Variants in KSR1 observed in about 807,000 individuals in gnomAD.
KSR1 encodes kinase suppressor of ras 1, also known as kinase suppressor of ras.
In KSR1, 35 loss-of-function variants were observed where a neutral mutation model predicts 92.9. The ratio of observed to expected loss-of-function variants is 0.38; its 90% CI spans 0.29 to 0.50. The LOEUF (loss-of-function observed/expected upper bound fraction) is 0.50. Ranked by LOEUF, KSR1 falls within the 20% of genes least tolerant of loss-of-function variation. KSR1 has a pLI of 0.94. For missense variants in KSR1, 972 were observed against 1,158.5 expected (o/e 0.84, Z 2.34); for synonymous variants, 467 against 472.6 (o/e 0.99, Z 0.15).
At chr17:27,622,364 G>A (rs1377308604) in intron 20 of KSR1, 2 of 179,236 alleles carry the variant, frequency 1.1e-5, no homozygotes, top group Non-Finnish European at 2.3e-5. Context: ...AGTGCGGGGC[G>A]GGCGGAGGTT....
intron 1 of KSR1, among the ~76,000 whole-genome samples, chr17:27,466,581 C>G (rs1367221364): frequency 6.6e-6 from 1 of 152,208 alleles, no homozygotes; most frequent in Non-Finnish European, 1.5e-5. Flanking sequence ...GGGCAGAAAA[C>G]AATCCAAGAG....
chr17:27,573,822 C>G (rs1335204587), intron 2 of KSR1, among the ~76,000 whole-genome samples: 1 of 152,104 alleles, frequency 6.6e-6, no homozygotes, highest in African/African-American at 2.4e-5. Flanking sequence ...CATCTACTTG[C>G]GGAGTTGATT....
chr17:27,621,952 T>G (rs970618322), intron 20 of KSR1: 3 of 1,612,900 alleles, frequency 1.9e-6, no homozygotes, highest in Non-Finnish European at 2.5e-6. Context: ...CTGCCTTGCA[T>G]GCACCAGGGG....
At chr17:27,613,579 G>A (rs1166068505) in intron 18 of KSR1, among the ~76,000 whole-genome samples, 1 of 152,204 alleles carries the variant, frequency 6.6e-6, no homozygotes, top group Admixed American at 6.5e-5. Context: ...TCCATTGTGG[G>A]TGTACCCAGG....
At chr17:27,595,872 G>A (rs1235309393) in intron 9 of KSR1, among the ~76,000 whole-genome samples, 2 of 152,070 alleles carry the variant, frequency 1.3e-5, no homozygotes, top group South Asian at 4.1e-4. Flanking sequence ...TCCTGAAGCC[G>A]GGATCATGCC....
At chr17:27,471,660 C>T (rs2020012878) in intron 1 of KSR1, among the ~76,000 whole-genome samples, 1 of 152,172 alleles carries the variant, frequency 6.6e-6, no homozygotes, top group African/African-American at 2.4e-5. Flanking sequence ...ATTAATGCAC[C>T]AACTCAGCAA....
rs557884293 is a variant in KSR1 at position 27,553,013 on chromosome 17, G to A, written c.372+2305G>A. On this transcript the variant is annotated intron_variant, in intron 2 of 20. Coordinates refer to ENST00000644974, the MANE Select transcript of KSR1 (RefSeq NM_001394583.1). The stretch of plus-strand genomic sequence containing the variant: ...ACCAGGGTCCTAGAGCCACAGAGGA[G>A]TAGAGCCGGGTGCCCCTCCACACCT... Among the ~76,000 whole-genome samples the A allele has an allele frequency of 2.6e-5, 4 of 152,334 alleles. No individual in the cohort carries two copies. The South Asian group carries it at 8.3e-4, about 32-fold the overall frequency.
intron 4 of KSR1, among the ~76,000 whole-genome samples, chr17:27,584,355 A>G (rs2072889180): frequency 1.3e-5 from 2 of 152,076 alleles, no homozygotes; most frequent in South Asian, 4.1e-4. Context: ...TATGGGATGG[A>G]GCCTGGACAG....
At chr17:27,509,711 A>T (rs551670287) in intron 1 of KSR1, among the ~76,000 whole-genome samples, 3 of 152,298 alleles carry the variant, frequency 2.0e-5, no homozygotes, top group African/African-American at 7.2e-5. Flanking sequence ...GTGGTTGTGC[A>T]TGCTTATAGT....
chr17:27,588,377 C>T (rs2073047360), intron 5 of KSR1, 98 bp from the exon 6 acceptor site: 2 of 1,020,564 alleles, frequency 2.0e-6, no homozygotes. Context: ...AACCATTGCG[C>T]CCCCCTCTAG....
At chr17:27,518,203 G>A (rs191201223) in intron 1 of KSR1, among the ~76,000 whole-genome samples, 7 of 152,202 alleles carry the variant, frequency 4.6e-5, no homozygotes, top group Admixed American at 4.6e-4. Flanking sequence ...GGCTTTGTAG[G>A]GAGCAGGGCA....
chr17:27,466,404 A>C (rs1396603294), intron 1 of KSR1, among the ~76,000 whole-genome samples: 1 of 152,230 alleles, frequency 6.6e-6, no homozygotes, highest in Non-Finnish European at 1.5e-5. Flanking sequence ...TGTATCACTG[A>C]ATCCTTCTAA....
intron 13 of KSR1, among the ~76,000 whole-genome samples, chr17:27,605,022 G>A (rs2073702507): frequency 6.6e-6 from 1 of 152,234 alleles, no homozygotes; most frequent in Non-Finnish European, 1.5e-5. Flanking sequence ...ATTGCATTAT[G>A]GCTTGGAGAA....
At chr17:27,621,744 G>C (rs2074229433) in intron 20 of KSR1, among the ~76,000 whole-genome samples, 2 of 152,130 alleles carry the variant, frequency 1.3e-5, no homozygotes, top group African/African-American at 4.8e-5. Context: ...TTGTGCCCAG[G>C]ATCCCTTCTG....
At chr17:27,490,614 A>C (rs1350633628) in intron 1 of KSR1, among the ~76,000 whole-genome samples, 1 of 152,222 alleles carries the variant, frequency 6.6e-6, no homozygotes, top group African/African-American at 2.4e-5. Flanking sequence ...CCTGAGCCTC[A>C]TTCTTGTGGT....
At position 27,625,108 on chromosome 17, in the gene KSR1, T is replaced by G. The variant is rs1384157385; in HGVS notation, c.*1716T>G. 1 of 152,360 alleles carries G rather than the reference T, an allele frequency of 6.6e-6. No homozygotes were observed. The highest frequency in any genetic ancestry group is 1.5e-5 in the Non-Finnish European group (1 of 68,138). The allele number at this position is 152,360 out of a possible 1,614,324, so 9.4% of individuals were successfully genotyped here. ...ACTGCTCATTTTGCCCCATCATCCC[T>G]TTGGCCTCCCACACACCTGCCCCTT... On this transcript the variant is annotated 3_prime_UTR_variant, in exon 21 of 21. Transcript: ENST00000644974.
intron 1 of KSR1, among the ~76,000 whole-genome samples, chr17:27,490,004 G>A (rs548997145): frequency 1.8e-4 from 28 of 152,366 alleles, no homozygotes; most frequent in African/African-American, 6.5e-4. Context: ...TTGTGTGTGT[G>A]CATGTGTGTA....
chr17:27,464,246 A>G (rs2019574716), intron 1 of KSR1, among the ~76,000 whole-genome samples: 1 of 152,006 alleles, frequency 6.6e-6, no homozygotes, highest in African/African-American at 2.4e-5. Context: ...AGATTCTTGG[A>G]GCGCCATCTG....
chr17:27,583,954 G>A (rs2072873940), intron 4 of KSR1: 6 of 984,044 alleles, frequency 6.1e-6, no homozygotes, highest in Non-Finnish European at 7.2e-6. Context: ...GCAGTTTTGT[G>A]TATGTCTATA....
Sources: gnomAD v4.1 joint callset for allele counts (sites outside exome capture counted in the v4.1 genomes callset) on GRCh38, gnomAD v4.1.1 for gene constraint, MANE v1.5 for transcripts, NCBI Gene and HGNC (gene_info 2026-07-23, HGNC 2026-07-21) for gene names.